The following HSPA12A variants were observed in gnomAD, a reference collection of about 807,000 sequenced individuals.
HSPA12A encodes heat shock protein family A (Hsp70) member 12A.
In HSPA12A, 28 loss-of-function variants were observed where a neutral mutation model predicts 69.2. That is an observed-to-expected ratio of 0.40 (90% CI 0.30 to 0.55). The LOEUF is 0.55. HSPA12A is among the 20% of genes least tolerant of loss of function. The probability of loss-of-function intolerance (pLI) is 0.38; values close to 1 mark genes in which losing one functional copy is unlikely to be tolerated. For missense variants in HSPA12A, 686 were observed against 900.7 expected (o/e 0.76, Z 3.05); for synonymous variants, 345 against 370.5 (o/e 0.93, Z 0.79).
rs547170615 is a variant in HSPA12A, at chr10:116,844,558, ATGC to A, written c.3+5005_3+5007del. On this transcript the variant is annotated intron_variant, in intron 1 of 12. Coordinates refer to the HSPA12A transcript ENST00000635765. ...TTCTAGATGAGGAATCTTATTTCCT[ATGC>A]GTGATGACTGAGTGAAAATAGTTAA... Among the ~76,000 whole-genome samples, 226 of 152,344 alleles carry A rather than the reference ATGC, an allele frequency of 1.5e-3. 1 individual carries two copies. Among genetic ancestry groups the A allele is most frequent in the African/African-American group, 5.1e-3 (211 of 41,580 alleles).
chr10:116,791,552 G>A (rs999054864), intron 2 of HSPA12A, among the ~76,000 whole-genome samples: 15 of 152,162 alleles, frequency 9.9e-5, no homozygotes, highest in African/African-American at 3.4e-4. Flanking sequence ...TGTCTCAAAT[G>A]CCTAATGCTA....
intron 4 of HSPA12A, among the ~76,000 whole-genome samples, chr10:116,700,492 T>C (rs1554881476): frequency 6.6e-6 from 1 of 152,168 alleles, no homozygotes; most frequent in Non-Finnish European, 1.5e-5. Flanking sequence ...CAGTTGTTAC[T>C]GGTTGTTACA....
intron 2 of HSPA12A, among the ~76,000 whole-genome samples, chr10:116,772,134 GGACACTAAAT>G (rs1554890557): frequency 6.6e-6 from 1 of 152,148 alleles, no homozygotes; most frequent in Non-Finnish European, 1.5e-5. Flanking sequence ...TCCCGCCTTG[GGACACTAAAT>G]GACCTGGGTG....
At chr10:116,776,155 C>A (rs1204046865) in intron 2 of HSPA12A, among the ~76,000 whole-genome samples, 1 of 152,336 alleles carries the variant, frequency 6.6e-6, no homozygotes, top group East Asian at 1.9e-4. Flanking sequence ...ACCTCACCCC[C>A]TCCCTGCCTC....
chr10:116,813,594 C>A (rs1007275708), intron 2 of HSPA12A, among the ~76,000 whole-genome samples: 1 of 151,774 alleles, frequency 6.6e-6, no homozygotes, highest in African/African-American at 2.4e-5. Context: ...ATTAAAAACT[C>A]TAAGCCAGGC....
At chr10:116,719,050 T>A (rs1564794190) in intron 1 of HSPA12A, among the ~76,000 whole-genome samples, 1 of 152,100 alleles carries the variant, frequency 6.6e-6, no homozygotes, top group African/African-American at 2.4e-5. Flanking sequence ...TCGGCTCAGG[T>A]CCCTGCTGGT....
At chr10:116,812,504 C>G (rs1346440233) in intron 2 of HSPA12A, among the ~76,000 whole-genome samples, 1 of 151,810 alleles carries the variant, frequency 6.6e-6, no homozygotes, top group African/African-American at 2.4e-5. Context: ...AGGGAACCCC[C>G]ACAACCATCA....
chr10:116,768,334 G>A (rs1447580420), intron 2 of HSPA12A, among the ~76,000 whole-genome samples: 1 of 152,212 alleles, frequency 6.6e-6, no homozygotes, highest in East Asian at 1.9e-4. Flanking sequence ...ATTAGTGCTT[G>A]CCAGGGGCTG....
chr10:116,793,231 C>T (rs1036307164), intron 2 of HSPA12A, among the ~76,000 whole-genome samples: 4 of 152,242 alleles, frequency 2.6e-5, no homozygotes, highest in African/African-American at 9.6e-5. Context: ...ACTAAATAAA[C>T]ATTAACTGCA....
At chr10:116,761,634 A>ATGGCTGGAGGT (rs1843976760) in intron 2 of HSPA12A, among the ~76,000 whole-genome samples, 1 of 152,114 alleles carries the variant, frequency 6.6e-6, no homozygotes, top group Non-Finnish European at 1.5e-5. Context: ...TGGCTGGAGG[A>ATGGCTGGAGGT]TAGCTTGAGC....
chr10:116,827,758 G>A (rs1439706938), intron 2 of HSPA12A, among the ~76,000 whole-genome samples: 1 of 152,170 alleles, frequency 6.6e-6, no homozygotes, highest in Non-Finnish European at 1.5e-5. Context: ...GCTTCATTCT[G>A]GACTATTTGG....
chr10:116,745,136 C>A (rs1277455109), upstream of HSPA12A, among the ~76,000 whole-genome samples: 2 of 152,244 alleles, frequency 1.3e-5, no homozygotes, highest in Non-Finnish European at 2.9e-5. Context: ...GCCTCGCCCC[C>A]ACTGGGAAGT....
chr10:116,817,479 G>A (rs1363573967), intron 2 of HSPA12A, among the ~76,000 whole-genome samples: 5 of 148,350 alleles, frequency 3.4e-5, no homozygotes, highest in Non-Finnish European at 7.4e-5. Context: ...TCTTCTATTC[G>A]CTCGGTTCAA....
chr10:116,753,404 C>T (rs1270416558), intron 2 of HSPA12A, among the ~76,000 whole-genome samples: 2 of 152,246 alleles, frequency 1.3e-5, no homozygotes, highest in Non-Finnish European at 2.9e-5. Context: ...AACACCCAGC[C>T]TGGGCTCAGG....
At chr10:116,842,804 T>C (rs1250206987) in intron 1 of HSPA12A, among the ~76,000 whole-genome samples, 4 of 152,290 alleles carry the variant, frequency 2.6e-5, no homozygotes, top group Middle Eastern at 3.4e-3. Flanking sequence ...GGTTTCACCA[T>C]CTTGTCCAGG....
chr10:116,727,903 G>A (rs1851024210), intron 1 of HSPA12A, among the ~76,000 whole-genome samples: 2 of 143,996 alleles, frequency 1.4e-5, no homozygotes, highest in South Asian at 4.8e-4. Flanking sequence ...GATTACAGGT[G>A]TGCACCACCA....
rs1264992295 is a variant in HSPA12A at position 116,735,438 on chromosome 10, C to G, written c.40+6992G>C. ...GACTTCCCAGGAACGCCTCAAGAGG[C>G]CTTGCAGCTTCCCCTCTCATCCTCT... is the stretch of plus-strand genomic sequence containing the variant. On this transcript the variant is annotated intron_variant, in intron 1 of 11. Transcript: ENST00000369209. 2.6e-5 allele frequency among the ~76,000 whole-genome samples: 4 copies of G among 152,274 alleles called. No individual in the cohort carries two copies. In the East Asian group the frequency reaches 7.7e-4, roughly 29 times the overall value.
chr10:116,707,319 T>C lies in HSPA12A; in HGVS notation c.41-34A>G, dbSNP rs377470407. On this transcript the variant is annotated intron_variant, in intron 1 of 11. Coordinates refer to ENST00000369209, the MANE Select transcript of HSPA12A (RefSeq NM_025015.3). ...AAAAACAAAGCCGCCTCCTTAGAAG[T>C]GGCATGGACTGACCCAGGGGGAAGA... The C allele has an allele frequency of 9.3e-6, 14 of 1,508,636 alleles. No individual in the cohort carries two copies. The African/African-American group carries it at 1.8e-4, about 19-fold the overall frequency. 93.5% of individuals were successfully genotyped at this position (1,508,636 alleles called of 1,614,324 possible).
chr10:116,733,852 T>C (rs902296014), intron 1 of HSPA12A, among the ~76,000 whole-genome samples: 1 of 152,198 alleles, frequency 6.6e-6, no homozygotes, highest in African/African-American at 2.4e-5. Flanking sequence ...ACTCAACTTA[T>C]GATATTTTCA....
Sources: gnomAD v4.1 joint callset for allele counts (sites outside exome capture counted in the v4.1 genomes callset) on GRCh38, gnomAD v4.1.1 for gene constraint, MANE v1.5 for transcripts, NCBI Gene and HGNC (gene_info 2026-07-23, HGNC 2026-07-21) for gene names.